The following PTK2 variants were observed in gnomAD, a reference collection of about 807,000 sequenced individuals.
PTK2 encodes the protein protein tyrosine kinase 2, also known as focal adhesion kinase 1.
PTK2 carries 45 observed loss-of-function variants against 150.1 expected under a neutral mutation model. The ratio of observed to expected loss-of-function variants is 0.30; its 90% CI spans 0.24 to 0.38. The LOEUF (loss-of-function observed/expected upper bound fraction) is 0.38, where lower values mean the gene tolerates loss of function less well. PTK2 is among the 10% of genes least tolerant of loss of function. PTK2 has a pLI of 1.00. For missense variants in PTK2, 919 were observed against 1,307.3 expected (o/e 0.70, Z 4.58); for synonymous variants, 432 against 449.2 (o/e 0.96, Z 0.48).
chr8:140,974,970 C>A (rs1446196141), intron 1 of PTK2, among the ~76,000 whole-genome samples: 1 of 152,232 alleles, frequency 6.6e-6, no homozygotes, highest in Admixed American at 6.5e-5. Context: ...CTCAGCCTTG[C>A]CATTTCACTT....
chr8:140,694,182 A>G lies in PTK2; in HGVS notation c.2499+6709T>C, dbSNP rs530626035. On this transcript the variant is annotated intron_variant, in intron 26 of 31. Transcript: ENST00000522684. ...TAGCCTCCTGAGTAGCTGGGACTAC[A>G]GGCACCTGCCACTACGCCCAGCTAA... 5.1e-4 allele frequency among the ~76,000 whole-genome samples: 77 copies of G among 151,760 alleles called. 1 individual carries two copies. In the East Asian group the frequency reaches 0.014, roughly 27 times the overall value.
chr8:140,723,565 G>C (rs986602590), intron 22 of PTK2, among the ~76,000 whole-genome samples: 1 of 152,196 alleles, frequency 6.6e-6, no homozygotes, highest in African/African-American at 2.4e-5. Flanking sequence ...AATGTGCAGA[G>C]TATCAAGGAG....
chr8:140,933,140 C>T (rs761794203), intron 1 of PTK2, among the ~76,000 whole-genome samples: 6 of 151,438 alleles, frequency 4.0e-5, no homozygotes, highest in Non-Finnish European at 5.9e-5. Flanking sequence ...TGTGAGCCAC[C>T]GCACATGGCC....
intron 23 of PTK2, 110 bp from the exon 27 acceptor site, chr8:140,706,315 T>A (rs1263821977): frequency 1.3e-6 from 1 of 766,006 alleles, no homozygotes; most frequent in Non-Finnish European, 2.2e-6. Context: ...AAAAGAATGA[T>A]AAAAAGATGC....
chr8:140,706,094 T>A (rs10090128), intron 24 of PTK2, 25 bp downstream of exon 27: 1 of 1,549,044 alleles, frequency 6.5e-7, no homozygotes. Context: ...AATAACACAG[T>A]TTATATCTGT....
intron 11 of PTK2, among the ~76,000 whole-genome samples, chr8:140,801,019 C>T (rs925999911): frequency 1.3e-5 from 2 of 152,172 alleles, no homozygotes; most frequent in African/African-American, 4.8e-5. Context: ...ATTTTTAGCA[C>T]ATATAGCATG....
At chr8:140,879,565 G>A (rs987796805) in exon 4 of PTK2, 1 of 1,610,804 alleles carries the variant, frequency 6.2e-7, no homozygotes, top group Non-Finnish European at 8.5e-7. Flanking sequence ...TCTGACCGCA[G>A]GTGACTGAGG....
chr8:140,748,844 A>G (rs1350029695), intron 17 of PTK2, among the ~76,000 whole-genome samples: 2 of 152,242 alleles, frequency 1.3e-5, no homozygotes, highest in African/African-American at 4.8e-5. Flanking sequence ...AGGATCTCAA[A>G]ACTGGAAGTG....
chr8:140,855,169 C>A (rs934807461), intron 5 of PTK2, among the ~76,000 whole-genome samples: 1 of 152,078 alleles, frequency 6.6e-6, no homozygotes, highest in African/African-American at 2.4e-5. Context: ...AATACTGATT[C>A]ATTTACATAG....
intron 22 of PTK2, among the ~76,000 whole-genome samples, chr8:140,728,892 T>C (rs2100047497): frequency 6.6e-6 from 1 of 152,178 alleles, no homozygotes; most frequent in Admixed American, 6.5e-5. Context: ...GCTTAGTAAC[T>C]TGCCCAAGGC....
chr8:140,786,652 A>G (rs756363191), intron 14 of PTK2, among the ~76,000 whole-genome samples: 1 of 152,084 alleles, frequency 6.6e-6, no homozygotes, highest in Non-Finnish European at 1.5e-5. Flanking sequence ...AGAAAAGAAA[A>G]GAAATATACC....
At chr8:140,689,660 G>A (rs1325069400) in intron 26 of PTK2, among the ~76,000 whole-genome samples, 2 of 152,172 alleles carry the variant, frequency 1.3e-5, no homozygotes, top group Non-Finnish European at 2.9e-5. Flanking sequence ...AGGATATCTG[G>A]TATTTACTTC....
intron 8 of PTK2, among the ~76,000 whole-genome samples, chr8:140,820,403 A>C (rs2100107788): frequency 6.6e-6 from 1 of 151,808 alleles, no homozygotes. Context: ...ACCCGGCCTG[A>C]ATTATGTTTT....
intron 2 of PTK2, among the ~76,000 whole-genome samples, chr8:140,908,553 C>T (rs1211018312): frequency 6.6e-6 from 1 of 152,238 alleles, no homozygotes; most frequent in Non-Finnish European, 1.5e-5. Flanking sequence ...AGAGGACAGG[C>T]TGTCTCTCAT....
chr8:140,808,942 A>G lies in PTK2; in HGVS notation c.868-5292T>C, dbSNP rs537274596. ...GAGACGGGGTTTTGCCATGTTGGCC[A>G]GGCTGGTCTCAAACTTCTGACCTCA... On this transcript the variant is annotated intron_variant, in intron 10 of 31. Coordinates refer to ENST00000522684, the Ensembl canonical transcript of PTK2. Among the ~76,000 whole-genome samples, 7 of 152,256 alleles carry G rather than the reference A, an allele frequency of 4.6e-5. No individual in the cohort carries two copies. In the South Asian group the frequency reaches 1.5e-3, roughly 32 times the overall value.
intron 1 of PTK2, among the ~76,000 whole-genome samples, chr8:140,997,775 C>T (rs1403316540): frequency 6.6e-6 from 1 of 151,786 alleles, no homozygotes; most frequent in Non-Finnish European, 1.5e-5. Flanking sequence ...CCCATCTCTA[C>T]GAAAAATGTA....
intron 21 of PTK2, among the ~76,000 whole-genome samples, chr8:140,737,163 C>T (rs575098032): frequency 6.6e-6 from 1 of 152,274 alleles, no homozygotes; most frequent in South Asian, 2.1e-4. Flanking sequence ...GAGACAAAGC[C>T]TCCATCACAG....
At chr8:140,731,879 G>A (rs1227128100) in intron 22 of PTK2, among the ~76,000 whole-genome samples, 1 of 152,126 alleles carries the variant, frequency 6.6e-6, no homozygotes, top group East Asian at 1.9e-4. Context: ...CTCTAGCCTG[G>A]GCAACAGAGG....
intron 1 of PTK2, among the ~76,000 whole-genome samples, chr8:140,982,239 G>A (rs2154609962): frequency 6.6e-6 from 1 of 152,332 alleles, no homozygotes; most frequent in South Asian, 2.1e-4. Flanking sequence ...CCACCGCCTT[G>A]CTTAGCTCAC....
Sources: allele counts gnomAD v4.1 joint callset (sites outside exome capture counted in the v4.1 genomes callset), GRCh38; gene constraint gnomAD v4.1.1; transcripts MANE v1.5; gene names NCBI Gene and HGNC (gene_info 2026-07-23, HGNC 2026-07-21).